KIAA0825: variants seen among roughly 807,000 people sequenced by gnomAD.
The protein encoded by KIAA0825 is KIAA0825, also known as uncharacterized protein KIAA0825.
In KIAA0825, 119 loss-of-function variants were observed where a neutral mutation model predicts 147.6. The observed-to-expected ratio is 0.81, with a 90% CI of 0.69 to 0.94. KIAA0825 has a LOEUF of 0.94. Ranked by LOEUF, KIAA0825 falls within the 40% of genes least tolerant of loss-of-function variation. KIAA0825 has a pLI of 0.00. For synonymous variants in KIAA0825, 470 were observed against 518.1 expected (o/e 0.91, Z 1.26); for missense variants, 1,381 against 1,472.7 (o/e 0.94, Z 1.02).
chr5:94,221,848 A>G (rs1773694192), intron 20 of KIAA0825, among the ~76,000 whole-genome samples: 1 of 151,930 alleles, frequency 6.6e-6, no homozygotes, highest in Admixed American at 6.6e-5. Context: ...GGTGAAATCT[A>G]TTTTCTCTCT....
At chr5:94,218,924 TG>T (rs1163809209) in intron 20 of KIAA0825, among the ~76,000 whole-genome samples, 1 of 152,200 alleles carries the variant, frequency 6.6e-6, no homozygotes, top group African/African-American at 2.4e-5. Flanking sequence ...TATTCAGCTT[TG>T]GGGTCTTATT....
intron 20 of KIAA0825, among the ~76,000 whole-genome samples, chr5:94,225,109 G>A (rs1774045122): frequency 1.3e-5 from 2 of 152,050 alleles, no homozygotes; most frequent in African/African-American, 4.8e-5. Context: ...TTCTACATAC[G>A]TTTATTGAGT....
chr5:94,534,409 C>T (rs780710248), intron 3 of KIAA0825, among the ~76,000 whole-genome samples: 1 of 152,038 alleles, frequency 6.6e-6, no homozygotes, highest in Non-Finnish European at 1.5e-5. Context: ...ATAATAAAAA[C>T]ATAATTGAAT....
intron 20 of KIAA0825, among the ~76,000 whole-genome samples, chr5:94,363,553 A>C (rs1007354255): frequency 6.6e-6 from 1 of 152,174 alleles, no homozygotes; most frequent in Non-Finnish European, 1.5e-5. Context: ...TTTAACTTCT[A>C]ATGAGCATAT....
chr5:94,219,040 T>C (rs1773449645), intron 20 of KIAA0825, among the ~76,000 whole-genome samples: 1 of 152,182 alleles, frequency 6.6e-6, no homozygotes, highest in African/African-American at 2.4e-5. Context: ...CCCAAACTTT[T>C]TGGCACTAGA....
At chr5:94,355,287 A>G (rs1784120508) in intron 20 of KIAA0825, among the ~76,000 whole-genome samples, 1 of 152,204 alleles carries the variant, frequency 6.6e-6, no homozygotes. Flanking sequence ...GAAGAAAAAG[A>G]TCTAGCTATG....
At chr5:94,208,016 A>T (rs1335600937) in intron 20 of KIAA0825, among the ~76,000 whole-genome samples, 3 of 152,164 alleles carry the variant, frequency 2.0e-5, no homozygotes, top group Non-Finnish European at 4.4e-5. Flanking sequence ...AAGCCCATGA[A>T]TATCTGAAAT....
chr5:94,170,507 C>T (rs951189182), intron 20 of KIAA0825, among the ~76,000 whole-genome samples: 9 of 152,114 alleles, frequency 5.9e-5, no homozygotes, highest in South Asian at 2.1e-4. Flanking sequence ...GGGGAACTAA[C>T]GAGAAGTACT....
rs17083580 is a variant in KIAA0825, at chr5:94,312,426, G to C, written c.3710+71942C>G. Among the ~76,000 whole-genome samples the C allele has an allele frequency of 9.7e-3, 1,468 of 151,682 alleles. 29 individuals carry two copies. The highest frequency in any genetic ancestry group is 0.033 in the African/African-American group (1,381 of 41,450). The stretch of plus-strand genomic sequence containing the variant: ...CATGTCAAGAGTCTGTGCGCTACCT[G>C]CTAAGAAATGCCTGAGCAGGCCCTG... On this transcript the variant is annotated intron_variant, in intron 20 of 20. Transcript: ENST00000682413.
At position 94,397,547 on chromosome 5, in the gene KIAA0825, A is replaced by C. The variant is rs374995271; in HGVS notation, c.2888-1038T>G. On this transcript the variant is annotated intron_variant, in intron 16 of 20. Transcript: ENST00000682413. The stretch of plus-strand genomic sequence containing the variant: ...TGGATTGCAGAGGAGTCACTAGATT[A>C]GACATATTTTCCAAGAAAAATGTAT... Among the ~76,000 whole-genome samples, 14 of 152,350 alleles carry C rather than the reference A, an allele frequency of 9.2e-5. No individual in the cohort carries two copies. The East Asian group carries it at 2.3e-3, about 25-fold the overall frequency.
In KIAA0825 at chr5:94,223,489, A is replaced by G. The variant is rs1773848304; in HGVS notation, c.3711-69365T>C. ...GCAAAGGAATCTGTTACCTGTTCTC[A>G]TCAGTGTGCCACATATTCTTCCCCT... On this transcript the variant is annotated intron_variant, in intron 20 of 20. Transcript: ENST00000682413. Among the ~76,000 whole-genome samples, 3 of 152,224 alleles carry G rather than the reference A, an allele frequency of 2.0e-5. No homozygotes were observed. The South Asian group carries it at 6.2e-4, about 31-fold the overall frequency.
intron 2 of KIAA0825, among the ~76,000 whole-genome samples, chr5:94,545,606 T>C (rs927625822): frequency 1.3e-5 from 2 of 152,184 alleles, no homozygotes; most frequent in Admixed American, 1.3e-4. Flanking sequence ...AGACAAATCC[T>C]GGGCCAGAAA....
chr5:94,579,044 C>A (rs1781579188), intron 2 of KIAA0825, among the ~76,000 whole-genome samples: 1 of 152,152 alleles, frequency 6.6e-6, no homozygotes, highest in Non-Finnish European at 1.5e-5. Context: ...CTCAGCCCCG[C>A]CCCCGTAGCT....
Position 94,387,768 on chromosome 5 carries a change from A to G in KIAA0825, c.3457-1364T>C, listed in dbSNP as rs542062281. 2.6e-4 allele frequency among the ~76,000 whole-genome samples: 40 copies of G among 152,112 alleles called. No individual in the cohort carries two copies. The East Asian group carries it at 4.3e-3, about 16-fold the overall frequency. ...AAACTCTAGCCGAATGCCACCCTCA[A>G]TGGTTGGTGCTGAAAGGTCAGAGGA... is the stretch of plus-strand genomic sequence containing the variant. On this transcript the variant is annotated intron_variant, in intron 18 of 20. Transcript: ENST00000682413.
chr5:94,578,202 G>T (rs1212839894), intron 2 of KIAA0825, among the ~76,000 whole-genome samples: 1 of 152,178 alleles, frequency 6.6e-6, no homozygotes, highest in African/African-American at 2.4e-5. Context: ...GAAATAACAG[G>T]TAAGAACAAC....
At chr5:94,408,061 G>C (rs10044256) in intron 15 of KIAA0825, among the ~76,000 whole-genome samples, 9,596 of 152,186 alleles carry the variant, frequency 0.063, 335 homozygotes, top group East Asian at 0.11. Context: ...CAAATAATAC[G>C]TAAGTGAATA....
chr5:94,610,190 C>T (rs1463466432), intron 1 of KIAA0825, among the ~76,000 whole-genome samples: 1 of 151,746 alleles, frequency 6.6e-6, no homozygotes, highest in Non-Finnish European at 1.5e-5. Flanking sequence ...GAGGCCAAGG[C>T]GAGTGGATCA....
chr5:94,253,849 T>G (rs948021999), intron 20 of KIAA0825, among the ~76,000 whole-genome samples: 2 of 152,150 alleles, frequency 1.3e-5, no homozygotes, highest in Non-Finnish European at 2.9e-5. Flanking sequence ...GGTAAAGTTA[T>G]GAGCTCAGTG....
At chr5:94,286,758 C>T (rs180675327) in intron 20 of KIAA0825, among the ~76,000 whole-genome samples, 2 of 152,168 alleles carry the variant, frequency 1.3e-5, no homozygotes, top group African/African-American at 4.8e-5. Context: ...GCTTCATCAC[C>T]CAGGCTGGTA....
Sources: allele counts gnomAD v4.1 joint callset (sites outside exome capture counted in the v4.1 genomes callset), GRCh38; gene constraint gnomAD v4.1.1; transcripts MANE v1.5; gene names NCBI Gene and HGNC (gene_info 2026-07-23, HGNC 2026-07-21).